The following RYR3 variants were observed in gnomAD, a reference collection of about 807,000 sequenced individuals.
RYR3 encodes ryanodine receptor 3.
A neutral mutation model predicts 584.3 loss-of-function variants in RYR3; 207 were observed. The ratio of observed to expected loss-of-function variants is 0.35; its 90% CI spans 0.32 to 0.40. RYR3 has a LOEUF of 0.40. RYR3 is among the 10% of genes least tolerant of loss of function. RYR3 has a pLI of 1.00. For synonymous variants in RYR3, 2,416 were observed against 2,248.5 expected (o/e 1.07, Z -2.11); for missense variants, 5,616 against 6,089.2 (o/e 0.92, Z 2.59).
intron 1 of RYR3, among the ~76,000 whole-genome samples, chr15:33,394,792 G>A (rs895304113): frequency 3.3e-5 from 5 of 152,176 alleles, no homozygotes; most frequent in Non-Finnish European, 7.3e-5. Flanking sequence ...TCTAAATAAT[G>A]TAGCAACCAG....
chr15:33,656,766 C>A (rs2152695926), intron 32 of RYR3, among the ~76,000 whole-genome samples: 1 of 152,280 alleles, frequency 6.6e-6, no homozygotes, highest in South Asian at 2.1e-4. Context: ...CCACTCTCAG[C>A]TCCCAGAGGG....
chr15:33,403,940 TAA>T (rs35011874), intron 1 of RYR3, among the ~76,000 whole-genome samples: 1,544 of 150,590 alleles, frequency 0.01, 33 homozygotes, highest in African/African-American at 0.035. Flanking sequence ...AGAGGAGTGG[TAA>T]AAAAAAAATG....
intron 12 of RYR3, among the ~76,000 whole-genome samples, chr15:33,575,847 T>TAA (rs200530324): frequency 0.031 from 4,643 of 149,402 alleles, 247 homozygotes; most frequent in African/African-American, 0.1. Flanking sequence ...AAAAAAAAAA[T>TAA]TAATAAAATA....
chr15:33,613,209 A>G lies in RYR3; in HGVS notation c.2191A>G (p.Ile731Val), dbSNP rs2229116. The change falls in exon 19 of 104, where the codon ATC (isoleucine) becomes GTC (valine). Residue 731 changes from isoleucine to valine, a missense_variant. Coordinates refer to ENST00000634891, the MANE Select transcript of RYR3 (RefSeq NM_001036.6). ...CCGGATACCCAGAGCTGTGGCTTCC[A>G]TCAACCAGCACCTCCTGAGATCGGA... ...SGRIPRAVAS[I>V]NQHLLRSDDV... is the part of the protein sequence containing the mutation. The G allele has an allele frequency of 0.22, 356,626 of 1,612,830 alleles. 40,692 individuals are homozygous for G. Among genetic ancestry groups the G allele is most frequent in the Admixed American group, 0.3 (18,189 of 59,894 alleles).
At chr15:33,369,455 C>T (rs1247269149) in intron 1 of RYR3, among the ~76,000 whole-genome samples, 1 of 152,208 alleles carries the variant, frequency 6.6e-6, no homozygotes, top group African/African-American at 2.4e-5. Flanking sequence ...GCTGCCTCCT[C>T]CATGAAGGCT....
chr15:33,575,485 G>A (rs1455039977), intron 12 of RYR3, among the ~76,000 whole-genome samples: 1 of 152,024 alleles, frequency 6.6e-6, no homozygotes, highest in Admixed American at 6.6e-5. Context: ...CAACTACATG[G>A]GAAGTGAACA....
intron 47 of RYR3, 140 bp from the exon 48 acceptor site, chr15:33,731,334 G>A (rs2068931990): frequency 1.7e-6 from 1 of 590,932 alleles, no homozygotes; most frequent in Non-Finnish European, 3.0e-6. Flanking sequence ...TGCCGATAAG[G>A]TAGAAAGTTG....
chr15:33,843,240 A>G (rs534815054), intron 91 of RYR3, among the ~76,000 whole-genome samples: 28 of 152,214 alleles, frequency 1.8e-4, no homozygotes, highest in African/African-American at 5.8e-4. Flanking sequence ...GAATGGCATG[A>G]ACCCGGGAGG....
chr15:33,597,812 G>A (rs1191656131), intron 16 of RYR3, among the ~76,000 whole-genome samples: 1 of 142,276 alleles, frequency 7.0e-6, no homozygotes, highest in South Asian at 2.3e-4. Flanking sequence ...ATTGTTAGTA[G>A]TAAAACATTC....
intron 2 of RYR3, among the ~76,000 whole-genome samples, chr15:33,496,896 T>TATAA (rs2051480363): frequency 6.6e-6 from 1 of 152,098 alleles, no homozygotes; most frequent in South Asian, 2.1e-4. Flanking sequence ...AAGTCTCGTG[T>TATAA]ACAGTAGATC....
intron 94 of RYR3, chr15:33,851,838 G>A (rs2079137782): frequency 6.6e-6 from 1 of 152,082 alleles, no homozygotes; most frequent in Admixed American, 6.6e-5. Context: ...CAATTTAAAT[G>A]CAGTGCATAA....
intron 60 of RYR3, among the ~76,000 whole-genome samples, chr15:33,760,170 C>G (rs925312341): frequency 3.3e-5 from 5 of 152,160 alleles, no homozygotes; most frequent in African/African-American, 1.2e-4. Flanking sequence ...CAGTACCAGC[C>G]ACTGCAAAAA....
At chr15:33,606,873 C>T (rs1296448916) in intron 18 of RYR3, among the ~76,000 whole-genome samples, 1 of 152,070 alleles carries the variant, frequency 6.6e-6, no homozygotes, top group Non-Finnish European at 1.5e-5. Flanking sequence ...ATTGACCATC[C>T]CAAGAGATGA....
At chr15:33,673,740 A>C (rs1312082268) in intron 38 of RYR3, among the ~76,000 whole-genome samples, 1 of 152,256 alleles carries the variant, frequency 6.6e-6, no homozygotes, top group African/African-American at 2.4e-5. Context: ...TTACAGATTA[A>C]AATTCGGTAA....
At chr15:33,642,501 C>T (rs768621865) in intron 27 of RYR3, among the ~76,000 whole-genome samples, 2 of 152,198 alleles carry the variant, frequency 1.3e-5, no homozygotes, top group African/African-American at 2.4e-5. Context: ...ATATTCCATT[C>T]CTTGTCCCCA....
chr15:33,355,838 A>G (rs1595832067), intron 1 of RYR3, among the ~76,000 whole-genome samples: 1 of 151,362 alleles, frequency 6.6e-6, no homozygotes, highest in African/African-American at 2.4e-5. Context: ...TGATCCCTAT[A>G]CTCCCTAGGT....
At chr15:33,554,597 A>G (rs532807073) in intron 10 of RYR3, among the ~76,000 whole-genome samples, 1 of 152,196 alleles carries the variant, frequency 6.6e-6, no homozygotes, top group East Asian at 1.9e-4. Flanking sequence ...TGCCTGGCCA[A>G]CCTCCATTAT....
chr15:33,548,363 AACACACACACAC>A (rs373944873), intron 9 of RYR3, among the ~76,000 whole-genome samples, 159 bp downstream of exon 9: 2 of 152,032 alleles, frequency 1.3e-5, no homozygotes, highest in African/African-American at 4.8e-5. Flanking sequence ...GTTTTTAAAG[AACACACACACAC>A]ACAATCTCCA....
At chr15:33,563,888 A>G (rs2057551716) in intron 11 of RYR3, among the ~76,000 whole-genome samples, 1 of 152,218 alleles carries the variant, frequency 6.6e-6, no homozygotes, top group South Asian at 2.1e-4. Context: ...GGGATAGAAA[A>G]TACAATAAAT....
Sources: allele counts gnomAD v4.1 joint callset (sites outside exome capture counted in the v4.1 genomes callset), GRCh38; gene constraint gnomAD v4.1.1; transcripts MANE v1.5; gene names NCBI Gene and HGNC (gene_info 2026-07-23, HGNC 2026-07-21).